UBA3: variants seen among roughly 807,000 people sequenced by gnomAD.
UBA3 encodes ubiquitin like modifier activating enzyme 3.
In UBA3, 26 loss-of-function variants were observed where a neutral mutation model predicts 73.5. The ratio of observed to expected loss-of-function variants is 0.35; its 90% confidence interval spans 0.26 to 0.49. UBA3 has a LOEUF of 0.49. Among genes scored for constraint, UBA3 ranks in the 20% least tolerant of loss-of-function variants. UBA3 has a pLI of 0.98. For synonymous variants in UBA3, 217 were observed against 191.2 expected (o/e 1.13, Z -1.11); for missense variants, 495 against 555.6 (o/e 0.89, Z 1.10).
intron 2 of UBA3, among the ~76,000 whole-genome samples, chr3:69,078,336 C>T (rs1046962906): frequency 6.6e-6 from 1 of 152,206 alleles, no homozygotes; most frequent in Admixed American, 6.5e-5. Flanking sequence ...GAAAAAAAGT[C>T]ACACTTTCAG....
At chr3:69,057,157 T>C (rs372097668) in intron 12 of UBA3, 99 bp downstream of exon 12, 4 of 1,238,354 alleles carry the variant, frequency 3.2e-6, no homozygotes, top group Non-Finnish European at 4.7e-6. Flanking sequence ...ACACAACCCA[T>C]CCAAGAAGAT....
intron 11 of UBA3, among the ~76,000 whole-genome samples, chr3:69,060,359 G>A (rs947592093): frequency 4.0e-5 from 6 of 151,090 alleles, no homozygotes; most frequent in South Asian, 4.2e-4. Flanking sequence ...AATTGCATAT[G>A]TGGACAAAAC....
intron 3 of UBA3, 84 bp from the exon 4 acceptor site, chr3:69,075,594 T>C: frequency 1.3e-6 from 1 of 761,890 alleles, no homozygotes; most frequent in Non-Finnish European, 1.9e-6. Context: ...AAATAGTTTC[T>C]GATGTTTCCA....
At chr3:69,065,729 A>G (rs1237600143) in intron 6 of UBA3, among the ~76,000 whole-genome samples, 1 of 152,084 alleles carries the variant, frequency 6.6e-6, no homozygotes, top group Non-Finnish European at 1.5e-5. Flanking sequence ...GGCCTGAACC[A>G]CCACACCCAG....
Position 69,055,935 on chromosome 3 carries a change from C to CTT in UBA3, c.1249-31_1249-30insAA, listed in dbSNP as rs752920000. 4.3e-3 allele frequency: 6,932 copies of CTT among 1,593,852 alleles called. 30 individuals carry two copies. Among genetic ancestry groups the CTT allele is most frequent in the Non-Finnish European group, 5.5e-3 (6,474 of 1,168,258 alleles). On this transcript the variant is annotated intron_variant, in intron 16 of 17. Transcript: ENST00000361055. The stretch of plus-strand genomic sequence containing the variant: ...AAAACAAAATTACTTTAATGTAAGA[C>CTT]ACATTAAAGTAAAATAAAACTTGAT...
chr3:69,067,871 T>C (rs911335998), intron 6 of UBA3, 57 bp downstream of exon 6: 10 of 1,339,862 alleles, frequency 7.5e-6, no homozygotes, highest in Non-Finnish European at 1.1e-5. Flanking sequence ...ATATCTCTTA[T>C]AATAAAGGAA....
At chr3:69,071,877 C>CATAT (rs201415899) in intron 4 of UBA3, among the ~76,000 whole-genome samples, 1 of 152,050 alleles carries the variant, frequency 6.6e-6, no homozygotes. Flanking sequence ...AACTATTTTA[C>CATAT]ATATATATAT....
chr3:69,063,105 T>C lies in UBA3; in HGVS notation c.570A>G (p.Leu190=). The change falls in exon 9 of 18, where the codon TTA becomes TTG. Residue 190 remains leucine, a synonymous_variant. Transcript: ENST00000361055. ...TCAAAGGGACAATGGAGCTTGGATC[T>C]AAGACACCATCTTCATAATTTAGAA... ...ISLLNYEDGV[L]DPSSIVPLID... The C allele has an allele frequency of 6.2e-7, 1 of 1,614,082 alleles. No individual in the cohort carries two copies. Among genetic ancestry groups the C allele is most frequent in the Non-Finnish European group, 8.5e-7 (1 of 1,179,968 alleles).
chr3:69,076,988 A>G (rs900635886), intron 3 of UBA3, among the ~76,000 whole-genome samples: 6 of 152,046 alleles, frequency 3.9e-5, no homozygotes, highest in African/African-American at 1.4e-4. Context: ...CAGCAGAAAT[A>G]CAATCATTTA....
At chr3:69,058,000 G>C (rs762241537) in intron 11 of UBA3, among the ~76,000 whole-genome samples, 1 of 134,998 alleles carries the variant, frequency 7.4e-6, no homozygotes, top group Non-Finnish European at 1.5e-5. Context: ...ATCTGATCTC[G>C]GCTCACTGCA....
intron 6 of UBA3, among the ~76,000 whole-genome samples, chr3:69,065,998 C>A (rs1244904290): frequency 6.6e-6 from 1 of 151,754 alleles, no homozygotes; most frequent in Non-Finnish European, 1.5e-5. Flanking sequence ...TCATTATATA[C>A]TCTAGATATG....
At chr3:69,066,374 G>A (rs1385988606) in intron 6 of UBA3, among the ~76,000 whole-genome samples, 3 of 152,008 alleles carry the variant, frequency 2.0e-5, no homozygotes, top group Non-Finnish European at 4.4e-5. Flanking sequence ...CCTTTTACAG[G>A]TCTTGCTTTT....
intron 6 of UBA3, 140 bp downstream of exon 6, chr3:69,067,788 C>G (rs1213182359): frequency 3.8e-6 from 2 of 527,852 alleles, no homozygotes; most frequent in African/African-American, 4.0e-5. Context: ...AAAATGTTAC[C>G]AGCAGTTATC....
rs984703825 is a variant in UBA3, at chr3:69,055,087, C to G, written c.*350G>C. 1 of 166,430 alleles carries G rather than the reference C, an allele frequency of 6.0e-6. No homozygotes were observed. Among genetic ancestry groups the G allele is most frequent in the African/African-American group, 2.4e-5 (1 of 41,982 alleles). 10.3% of individuals were successfully genotyped at this position (166,430 alleles called of 1,614,324 possible). ...TTCTTTATTTTCCTTAAAGGGACAC[C>G]TTTTGTGTATTTGGGTACTCAAATG... On this transcript the variant is annotated 3_prime_UTR_variant, in exon 18 of 18. Transcript: ENST00000361055.
chr3:69,075,755 G>A (rs943292910), intron 3 of UBA3, among the ~76,000 whole-genome samples: 4 of 150,328 alleles, frequency 2.7e-5, no homozygotes, highest in African/African-American at 4.9e-5. Context: ...TTTTTGAGAC[G>A]GAGTCTCGCT....
intron 12 of UBA3, 22 bp downstream of exon 12, chr3:69,057,234 G>C: frequency 6.2e-7 from 1 of 1,603,444 alleles, no homozygotes; most frequent in Non-Finnish European, 8.5e-7. Context: ...AATAAACTAA[G>C]TGATGGCCTT....
chr3:69,056,946 C>A, intron 12 of UBA3, 131 bp from the exon 13 acceptor site: 1 of 1,012,576 alleles, frequency 9.9e-7, no homozygotes. Context: ...TTTTTAAAAA[C>A]TGAGACAGTA....
chr3:69,073,129 T>C (rs915822808), intron 4 of UBA3, among the ~76,000 whole-genome samples: 1 of 152,190 alleles, frequency 6.6e-6, no homozygotes, highest in African/African-American at 2.4e-5. Flanking sequence ...GAAAAGCCAA[T>C]CAAGTCTCTC....
At chr3:69,055,778 C>A (rs1442145778) in intron 17 of UBA3, 73 bp downstream of exon 17, 9 of 1,424,950 alleles carry the variant, frequency 6.3e-6, no homozygotes, top group Non-Finnish European at 8.7e-6. Context: ...AAATCTAGAA[C>A]AAGCACTGAT....
Sources: gnomAD v4.1 joint callset for allele counts (sites outside exome capture counted in the v4.1 genomes callset) on GRCh38, gnomAD v4.1.1 for gene constraint, MANE v1.5 for transcripts, NCBI Gene and HGNC (gene_info 2026-07-23, HGNC 2026-07-21) for gene names.